SERPINB2: variants seen among roughly 807,000 people sequenced by gnomAD.
The protein encoded by SERPINB2 is serpin family B member 2, also known as plasminogen activator inhibitor 2.
SERPINB2 carries 28 observed loss-of-function variants against 39.4 expected under a neutral mutation model. The observed-to-expected ratio is 0.71, with a 90% CI of 0.53 to 0.97. The LOEUF (loss-of-function observed/expected upper bound fraction) is 0.97. Ranked by LOEUF, SERPINB2 falls within the 50% of genes least tolerant of loss-of-function variation. SERPINB2 has a pLI of 0.00. For synonymous variants in SERPINB2, 209 were observed against 175.1 expected, an observed-to-expected ratio of 1.19 and a Z score of -1.53; for missense variants, 557 against 505.3, an observed-to-expected ratio of 1.10 and a Z score of -0.98.
intron 4 of SERPINB2, 45 bp downstream of exon 4, chr18:63,897,264 A>G (rs779568670): frequency 1.3e-6 from 2 of 1,591,150 alleles, no homozygotes; most frequent in South Asian, 1.1e-5. Flanking sequence ...CAAACAAGTA[A>G]TGAAGTCACT....
chr18:63,896,925 T>C (rs2049962910), intron 3 of SERPINB2, among the ~76,000 whole-genome samples, 166 bp from the exon 4 acceptor site: 1 of 152,216 alleles, frequency 6.6e-6, no homozygotes, highest in Non-Finnish European at 1.5e-5. Flanking sequence ...ATGTACCACA[T>C]CCTTATCGAA....
In SERPINB2 at chr18:63,903,762, G is replaced by GA. The variant is rs1216487003; in HGVS notation, c.*463dup. The GA allele has an allele frequency of 1.3e-5, 2 of 151,966 alleles. No individual in the cohort carries two copies. Among genetic ancestry groups the GA allele is most frequent in the Non-Finnish European group, 2.9e-5 (2 of 68,056 alleles). 9.4% of individuals were successfully genotyped at this position (151,966 alleles called of 1,614,324 possible). A position where few individuals can be genotyped will look rare whatever the true frequency, so the allele number is the denominator to read the frequency against. ...CATGCCCTTCTGTAATAAATATCTG[G>GA]AAAAAACATTAAACAATAGGCAAAT... On this transcript the variant is annotated 3_prime_UTR_variant, in exon 8 of 8. Transcript: ENST00000299502.
chr18:63,897,793 G>T lies in SERPINB2; in HGVS notation c.484G>T (p.Ala162Ser), dbSNP rs2049970004. Residue 162 changes from alanine to serine, a missense_variant, in exon 5 of 8, where the codon GCA becomes TCA. By Grantham distance (99) the Ala-to-Ser change is moderately conservative. Transcript: ENST00000299502. ...CCAGGCAGTAGACTTCCTAGAATGT[G>T]CAGAAGAAGCTAGAAAAAAGATTAA... ...EPQAVDFLEC[A>S]EEARKKINSW... 1.9e-6 allele frequency: 3 copies of T among 1,613,372 alleles called. No homozygotes were observed. The highest frequency in any genetic ancestry group is 2.2e-5 in the East Asian group (1 of 44,862).
chr18:63,902,821 A>G (rs2050001332), intron 7 of SERPINB2, 80 bp from the exon 8 acceptor site: 20 of 1,385,868 alleles, frequency 1.4e-5, no homozygotes, highest in Non-Finnish European at 1.9e-5. Context: ...GATTTTTAAT[A>G]TTAGACTTAA....
At chr18:63,902,753 GT>G in intron 7 of SERPINB2, 147 bp from the exon 8 acceptor site, 2 of 1,082,250 alleles carry the variant, frequency 1.8e-6, no homozygotes, top group Non-Finnish European at 2.6e-6. Context: ...TTACCTTCTT[GT>G]AAAAATCTGA....
intron 2 of SERPINB2, 151 bp from the exon 3 acceptor site, chr18:63,895,113 A>G (rs2049950453): frequency 1.2e-6 from 1 of 826,038 alleles, no homozygotes; most frequent in Non-Finnish European, 1.8e-6. Context: ...TATATTACAC[A>G]GAAAGAGTAT....
intron 1 of SERPINB2, chr18:63,890,798 G>A (rs1020417689): frequency 6.6e-6 from 1 of 152,350 alleles, no homozygotes; most frequent in Non-Finnish European, 1.5e-5. Context: ...GGGGTTCTGG[G>A]ATAGGGGCTG....
chr18:63,902,783 A>G, intron 7 of SERPINB2, 118 bp from the exon 8 acceptor site: 3 of 1,206,610 alleles, frequency 2.5e-6, no homozygotes, highest in South Asian at 1.6e-5. Flanking sequence ...TTAACTTTCT[A>G]TATCACCCAC....
chr18:63,902,357 T>G, intron 6 of SERPINB2, 47 bp from the exon 7 acceptor site: 14 of 1,471,306 alleles, frequency 9.5e-6, no homozygotes, highest in African/African-American at 1.4e-5. Flanking sequence ...GTAAATCTCT[T>G]GATATCTTAT....
chr18:63,894,039 G>A (rs1051018037), intron 2 of SERPINB2, among the ~76,000 whole-genome samples: 6 of 152,106 alleles, frequency 3.9e-5, no homozygotes, highest in Non-Finnish European at 8.8e-5. Flanking sequence ...TTACAGTGAG[G>A]CAACAGACCC....
chr18:63,897,149 C>T lies in SERPINB2; in HGVS notation c.347C>T (p.Ala116Val), dbSNP rs1212899525. ...CGCTCTCTCAGCTCTGCAATCAATG[C>T]ATCCACAGGGAATTATTTACTGGAA... is the stretch of plus-strand genomic sequence containing the variant. ...SFRSLSSAIN[A>V]STGNYLLESV... is the part of the protein sequence containing the mutation. The change falls in exon 4 of 8, where the codon GCA becomes GTA. Residue 116 changes from alanine (A) to valine (V), a missense_variant. Ala to Val is a moderately conservative substitution (Grantham distance 64). Transcript: ENST00000299502. 1 of 1,613,524 alleles carries T rather than the reference C, an allele frequency of 6.2e-7. No homozygotes were observed. The highest frequency in any genetic ancestry group is 1.7e-5 in the Admixed American group (1 of 59,972).
At chr18:63,900,394 T>G (rs2049984217) in intron 5 of SERPINB2, among the ~76,000 whole-genome samples, 1 of 152,204 alleles carries the variant, frequency 6.6e-6, no homozygotes, top group Non-Finnish European at 1.5e-5. Flanking sequence ...TCAAGGGTTC[T>G]TGGCTTCACC....
At position 63,898,226 on chromosome 18, in the gene SERPINB2, T is replaced by C. The variant is rs1163516001; in HGVS notation, c.535+382T>C. Reference sequence around the variant, plus strand: ...AGTAAATGGTGTGAGCTATAAAGAATACAGGCAGTGGAGGAGGGAAGAATC... The same window carrying C: ...AGTAAATGGTGTGAGCTATAAAGAACACAGGCAGTGGAGGAGGGAAGAATC... On this transcript the variant is annotated intron_variant, in intron 5 of 7. Coordinates refer to ENST00000299502, the MANE Select transcript of SERPINB2 (RefSeq NM_002575.3). Among the ~76,000 whole-genome samples the C allele has an allele frequency of 2.0e-5, 3 of 152,172 alleles. No homozygotes were observed. In the South Asian group the frequency reaches 6.2e-4, roughly 32 times the overall value.
intron 5 of SERPINB2, among the ~76,000 whole-genome samples, chr18:63,899,358 C>T (rs944805782): frequency 2.0e-5 from 3 of 152,166 alleles, no homozygotes; most frequent in Non-Finnish European, 4.4e-5. Context: ...GTATGTCACA[C>T]TTATCCTATG....
chr18:63,898,165 G>C (rs1053475876), intron 5 of SERPINB2, among the ~76,000 whole-genome samples: 1 of 152,226 alleles, frequency 6.6e-6, no homozygotes, highest in African/African-American at 2.4e-5. Context: ...TATGCCCACT[G>C]TGGACAAAAA....
At chr18:63,900,132 A>G (rs1028041440) in intron 5 of SERPINB2, among the ~76,000 whole-genome samples, 3 of 152,156 alleles carry the variant, frequency 2.0e-5, no homozygotes, top group Non-Finnish European at 2.9e-5. Context: ...TCAATCAGTT[A>G]TTTTGCCAAA....
chr18:63,902,596 G>A (rs1180030663), intron 7 of SERPINB2, 28 bp downstream of exon 7: 1 of 915,680 alleles, frequency 1.1e-6, no homozygotes, highest in Non-Finnish European at 1.4e-6. Context: ...TTAAGTTTCT[G>A]GGGCTATACC....
intron 5 of SERPINB2, among the ~76,000 whole-genome samples, chr18:63,900,451 G>A (rs1185936737): frequency 2.0e-5 from 3 of 152,180 alleles, no homozygotes; most frequent in Admixed American, 1.3e-4. Context: ...GAAGAAAACA[G>A]CTTTATTGAA....
intron 5 of SERPINB2, among the ~76,000 whole-genome samples, chr18:63,898,870 G>T (rs1418231485): frequency 6.6e-6 from 1 of 152,116 alleles, no homozygotes; most frequent in Non-Finnish European, 1.5e-5. Flanking sequence ...AATAGAGTCT[G>T]GTCTGACTGC....
Sources: gnomAD v4.1 joint callset for allele counts (sites outside exome capture counted in the v4.1 genomes callset) on GRCh38, gnomAD v4.1.1 for gene constraint, MANE v1.5 for transcripts, NCBI Gene and HGNC (gene_info 2026-07-23, HGNC 2026-07-21) for gene names.